MAPRE2: variants seen among roughly 807,000 people sequenced by gnomAD.
MAPRE2 encodes microtubule-associated protein RP/EB family member 2.
MAPRE2 carries 13 observed loss-of-function variants against 43.2 expected under a neutral mutation model. The observed-to-expected ratio is 0.30, with a 90% CI of 0.20 to 0.48. The LOEUF is 0.48. Ranked by LOEUF, MAPRE2 falls within the 20% of genes least tolerant of loss-of-function variation. The pLI is 0.99. For synonymous variants in MAPRE2, 135 were observed against 148.8 expected (o/e 0.91, Z 0.68); for missense variants, 161 against 400.2 (o/e 0.40, Z 5.10).
chr18:35,103,806 A>G (rs1908784868), intron 4 of MAPRE2, among the ~76,000 whole-genome samples: 1 of 152,186 alleles, frequency 6.6e-6, no homozygotes, highest in African/African-American at 2.4e-5. Flanking sequence ...ACATCTGCTG[A>G]GAAGTCAAGT....
chr18:35,125,387 G>A (rs1200010394), intron 4 of MAPRE2, among the ~76,000 whole-genome samples: 5 of 152,232 alleles, frequency 3.3e-5, no homozygotes, highest in Admixed American at 6.5e-5. Context: ...ATTGGAAACC[G>A]CATCACTAAA....
intron 2 of MAPRE2, chr18:35,005,570 T>C: frequency 6.8e-7 from 1 of 1,478,928 alleles, no homozygotes; most frequent in Non-Finnish European, 9.2e-7. Flanking sequence ...TTTATATAAA[T>C]TACGTTGCAT....
chr18:35,135,295 A>G (rs1910336412), intron 6 of MAPRE2, among the ~76,000 whole-genome samples: 1 of 152,224 alleles, frequency 6.6e-6, no homozygotes, highest in Admixed American at 6.5e-5. Context: ...GGAAGGCTGC[A>G]GTGGGCCTGG....
chr18:35,117,584 TG>T (rs1909471634), intron 4 of MAPRE2, among the ~76,000 whole-genome samples: 1 of 152,202 alleles, frequency 6.6e-6, no homozygotes, highest in African/African-American at 2.4e-5. Flanking sequence ...GTGTGTCGTC[TG>T]CCCAGTGGGC....
intron 1 of MAPRE2, among the ~76,000 whole-genome samples, chr18:34,977,600 G>A (rs2097013915): frequency 6.6e-6 from 1 of 152,198 alleles, no homozygotes; most frequent in Admixed American, 6.5e-5. Context: ...TCGCGCGCTT[G>A]GGAGCATCCC....
intron 2 of MAPRE2, among the ~76,000 whole-genome samples, chr18:35,078,745 G>A (rs1446567977): frequency 6.6e-6 from 1 of 151,472 alleles, no homozygotes; most frequent in East Asian, 1.9e-4. Context: ...AGAAAAGAAA[G>A]AAAGTCTTTA....
At chr18:35,104,017 A>G (rs1457664308) in intron 4 of MAPRE2, among the ~76,000 whole-genome samples, 1 of 152,152 alleles carries the variant, frequency 6.6e-6, no homozygotes, top group Non-Finnish European at 1.5e-5. Flanking sequence ...AAATACATAC[A>G]TTTAAGGGGG....
intron 1 of MAPRE2, among the ~76,000 whole-genome samples, chr18:35,049,491 C>T (rs919483807): frequency 2.6e-5 from 4 of 152,088 alleles, no homozygotes; most frequent in Non-Finnish European, 5.9e-5. Context: ...TTTAATGTGC[C>T]AACCTTCCTC....
At chr18:35,109,469 A>G (rs991697274) in intron 4 of MAPRE2, among the ~76,000 whole-genome samples, 1 of 152,170 alleles carries the variant, frequency 6.6e-6, no homozygotes, top group Non-Finnish European at 1.5e-5. Flanking sequence ...TGAAATTTAA[A>G]ATAGTTTTTT....
At chr18:35,136,573 A>G (rs1393829824) in intron 6 of MAPRE2, among the ~76,000 whole-genome samples, 2 of 152,224 alleles carry the variant, frequency 1.3e-5, no homozygotes, top group African/African-American at 4.8e-5. Flanking sequence ...TGGATGTTAC[A>G]GGGTGACTGG....
At chr18:35,087,863 C>T (rs756028990) in intron 2 of MAPRE2, among the ~76,000 whole-genome samples, 1 of 152,210 alleles carries the variant, frequency 6.6e-6, no homozygotes, top group Non-Finnish European at 1.5e-5. Context: ...TCTTCCTCTT[C>T]TGGAGGCTAA....
intron 2 of MAPRE2, among the ~76,000 whole-genome samples, chr18:35,031,751 G>T (rs2097047942): frequency 6.6e-6 from 1 of 152,090 alleles, no homozygotes; most frequent in Non-Finnish European, 1.5e-5. Context: ...TAAAAATTCT[G>T]CCTTTTGAGC....
chr18:35,022,313 TAGTA>T (rs1603390955), intron 2 of MAPRE2, among the ~76,000 whole-genome samples: 2 of 152,284 alleles, frequency 1.3e-5, no homozygotes, highest in African/African-American at 4.8e-5. Flanking sequence ...TTGTTCAAAT[TAGTA>T]AGTAAGTTTC....
intron 1 of MAPRE2, among the ~76,000 whole-genome samples, chr18:34,999,159 A>T (rs1369632234): frequency 6.6e-6 from 1 of 152,134 alleles, no homozygotes; most frequent in Non-Finnish European, 1.5e-5. Context: ...GCATTCTCCC[A>T]CATTTCATTA....
At chr18:35,028,517 C>T (rs1193908015) in intron 2 of MAPRE2, among the ~76,000 whole-genome samples, 1 of 152,084 alleles carries the variant, frequency 6.6e-6, no homozygotes, top group East Asian at 1.9e-4. Flanking sequence ...CATCCCCCAA[C>T]CCCCCAAACA....
chr18:35,070,143 G>A lies in MAPRE2; in HGVS notation c.123-52G>A, dbSNP rs1048304628. 15 of 1,524,854 alleles carry A rather than the reference G, an allele frequency of 9.8e-6. No individual in the cohort carries two copies. In the African/African-American group the frequency reaches 2.0e-4, roughly 20 times the overall value. 94.5% of individuals were successfully genotyped at this position (1,524,854 alleles called of 1,614,324 possible). A position where few individuals can be genotyped will look rare whatever the true frequency, so the allele number is the denominator to read the frequency against. On this transcript the variant is annotated intron_variant, in intron 1 of 6. Coordinates refer to ENST00000300249, the MANE Select transcript of MAPRE2 (RefSeq NM_014268.4). ...TCTTGACCTCGAATAGGTATCTTTTGTGTTTCTGAGTTAATTTCCTTGTTG... is the reference window on the plus strand; with the variant it reads ...TCTTGACCTCGAATAGGTATCTTTTATGTTTCTGAGTTAATTTCCTTGTTG...
Position 35,140,289 on chromosome 18 carries a change from C to A in MAPRE2, c.910-6C>A. The A allele has an allele frequency of 2.5e-6, 4 of 1,613,090 alleles. No individual in the cohort carries two copies. The highest frequency in any genetic ancestry group is 3.4e-6 in the Non-Finnish European group (4 of 1,179,550). The stretch of plus-strand genomic sequence containing the variant: ...ATCTCAGCTGAAACTTCTCCCCTGC[C>A]CACAGGAGGGCCACACAGAAGAGCC... On this transcript the variant is annotated splice_polypyrimidine_tract_variant and splice_region_variant and intron_variant, in intron 6 of 6. Coordinates refer to ENST00000300249, the MANE Select transcript of MAPRE2 (RefSeq NM_014268.4).
chr18:35,130,223 T>A (rs922604317), intron 5 of MAPRE2, among the ~76,000 whole-genome samples: 6 of 152,196 alleles, frequency 3.9e-5, no homozygotes, highest in Admixed American at 3.3e-4. Flanking sequence ...ATGGATTTTA[T>A]GTCCAAACCT....
intron 3 of MAPRE2, among the ~76,000 whole-genome samples, chr18:35,098,879 G>A (rs920121935): frequency 6.6e-6 from 1 of 152,194 alleles, no homozygotes; most frequent in South Asian, 2.1e-4. Context: ...AAAAATTATT[G>A]CAGTGGAAGG....
Sources: gnomAD v4.1 joint callset for allele counts (sites outside exome capture counted in the v4.1 genomes callset) on GRCh38, gnomAD v4.1.1 for gene constraint, MANE v1.5 for transcripts, NCBI Gene and HGNC (gene_info 2026-07-23, HGNC 2026-07-21) for gene names.